The following ITGB1 variants were observed in gnomAD, a reference collection of about 807,000 sequenced individuals.
ITGB1 encodes integrin subunit beta 1.
A neutral mutation model predicts 86.5 loss-of-function variants in ITGB1; 24 were observed. That is an observed-to-expected ratio of 0.28 (90% CI 0.20 to 0.39). The LOEUF (loss-of-function observed/expected upper bound fraction) is 0.39. ITGB1 is among the 10% of genes least tolerant of loss of function. ITGB1 has a pLI of 1.00. For missense variants in ITGB1, 556 were observed against 946.9 expected (o/e 0.59, Z 5.42); for synonymous variants, 323 against 316.8 (o/e 1.02, Z -0.21).
At chr10:32,923,877 A>G in intron 6 of ITGB1, 137 bp from the exon 7 acceptor site, 3 of 705,762 alleles carry the variant, frequency 4.3e-6, no homozygotes, top group Non-Finnish European at 2.3e-6. Flanking sequence ...TACAATGGTA[A>G]TTATCTTGCT....
At chr10:32,935,241 T>C (rs1310062441) in intron 2 of ITGB1, among the ~76,000 whole-genome samples, 7 of 152,214 alleles carry the variant, frequency 4.6e-5, no homozygotes, top group Non-Finnish European at 1.5e-5. Flanking sequence ...AAAGATCTTC[T>C]TGCAGTGTGT....
intron 15 of ITGB1, among the ~76,000 whole-genome samples, chr10:32,905,675 T>G (rs1469004765): frequency 1.3e-5 from 2 of 152,228 alleles, no homozygotes; most frequent in Non-Finnish European, 2.9e-5. Context: ...CCCTTATGTG[T>G]CTCAGTTTTC....
chr10:32,921,990 G>A (rs1050646690), intron 9 of ITGB1, among the ~76,000 whole-genome samples: 1 of 152,052 alleles, frequency 6.6e-6, no homozygotes, highest in African/African-American at 2.4e-5. Context: ...TTTCTAACAA[G>A]GAGATCTATT....
chr10:32,906,943 C>G, intron 15 of ITGB1: 1 of 489,670 alleles, frequency 2.0e-6, no homozygotes, highest in Non-Finnish European at 3.9e-6. Flanking sequence ...AGAAAAGCCA[C>G]AATAGCGATA....
intron 2 of ITGB1, chr10:32,932,807 T>TG: frequency 2.3e-6 from 1 of 431,730 alleles, no homozygotes; most frequent in Non-Finnish European, 4.2e-6. Context: ...TATACATGTA[T>TG]GGGGTACATG....
Position 32,944,974 on chromosome 10 carries a change from A to G in ITGB1, c.1-9416T>C. 6 of 1,008,228 alleles carry G rather than the reference A, an allele frequency of 6.0e-6. No individual in the cohort carries two copies. In the South Asian group the frequency reaches 7.8e-5, roughly 13 times the overall value. The allele number at this position is 1,008,228 out of a possible 1,614,324, so 62.5% of individuals were successfully genotyped here. Reference sequence around the variant, plus strand: ...CTTTTCTACAAACTAAAGTTCCACAAAGAAGCCAGAAAGCTGCCATTACTC... The same window carrying G: ...CTTTTCTACAAACTAAAGTTCCACAGAGAAGCCAGAAAGCTGCCATTACTC... On this transcript the variant is annotated intron_variant, in intron 1 of 15. Coordinates refer to ENST00000302278, the MANE Select transcript of ITGB1 (RefSeq NM_002211.4).
intron 1 of ITGB1, among the ~76,000 whole-genome samples, chr10:32,954,978 TGAAA>T (rs995044816): frequency 2.0e-5 from 3 of 152,332 alleles, no homozygotes; most frequent in Non-Finnish European, 4.4e-5. Context: ...ACACAGCTCC[TGAAA>T]GAGAGAAACT....
chr10:32,904,833 T>C (rs1382783422), intron 15 of ITGB1, among the ~76,000 whole-genome samples: 2 of 152,200 alleles, frequency 1.3e-5, no homozygotes, highest in South Asian at 2.1e-4. Context: ...AAAATGCTTA[T>C]TTTAGCAACA....
In ITGB1 at chr10:32,916,446, G is replaced by A. The variant is rs375492702; in HGVS notation, c.1469+3439C>T. 6.0e-4 allele frequency among the ~76,000 whole-genome samples: 92 copies of A among 152,240 alleles called. No homozygotes were observed. The East Asian group carries it at 0.013, about 21-fold the overall frequency. Reference sequence around the variant, plus strand: ...GATTGTATATTTAGAAAACCCCATCGTCTCAGCCCAAAATCTCCTTAAGCT... The same window carrying A: ...GATTGTATATTTAGAAAACCCCATCATCTCAGCCCAAAATCTCCTTAAGCT... On this transcript the variant is annotated intron_variant, in intron 11 of 15. Transcript: ENST00000302278.
At chr10:32,932,643 CAGAG>C (rs886337615) in intron 2 of ITGB1, 43 bp from the exon 3 acceptor site, 24 of 1,100,996 alleles carry the variant, frequency 2.2e-5, no homozygotes, top group Non-Finnish European at 3.2e-5. Flanking sequence ...TGTGAAGTGT[CAGAG>C]AGAAAATAAT....
chr10:32,949,320 G>A (rs1024410342), intron 1 of ITGB1, among the ~76,000 whole-genome samples: 2 of 152,172 alleles, frequency 1.3e-5, no homozygotes, highest in African/African-American at 4.8e-5. Flanking sequence ...GTATCCAGAA[G>A]CTATGACCTG....
intron 9 of ITGB1, among the ~76,000 whole-genome samples, chr10:32,921,965 A>G (rs1450897765): frequency 6.6e-6 from 1 of 152,162 alleles, no homozygotes; most frequent in Non-Finnish European, 1.5e-5. Flanking sequence ...AATGTAAGTT[A>G]TGTTTTACAA....
chr10:32,905,365 T>C (rs1181694502), intron 15 of ITGB1, among the ~76,000 whole-genome samples: 1 of 152,208 alleles, frequency 6.6e-6, no homozygotes, highest in Admixed American at 6.5e-5. Flanking sequence ...ACACTCTCAA[T>C]AGTCAAAAAA....
At chr10:32,914,200 C>T (rs547023634) in intron 11 of ITGB1, among the ~76,000 whole-genome samples, 22 of 152,340 alleles carry the variant, frequency 1.4e-4, no homozygotes, top group African/African-American at 5.0e-4. Context: ...GTACCAGCCA[C>T]TGCAAAAACA....
chr10:32,955,975 T>TTTGC (rs2095051418), intron 1 of ITGB1, among the ~76,000 whole-genome samples: 1 of 152,208 alleles, frequency 6.6e-6, no homozygotes, highest in Admixed American at 6.5e-5. Flanking sequence ...AAACAATCTA[T>TTTGC]TTGCTTCCTG....
At chr10:32,909,422 G>A (rs1234796629) in intron 14 of ITGB1, among the ~76,000 whole-genome samples, 1 of 152,068 alleles carries the variant, frequency 6.6e-6, no homozygotes, top group East Asian at 1.9e-4. Flanking sequence ...ATAATCTTGG[G>A]TTAGGCAGAG....
intron 2 of ITGB1, chr10:32,933,491 A>C (rs1054297092): frequency 2.0e-5 from 3 of 152,202 alleles, no homozygotes; most frequent in Non-Finnish European, 4.4e-5. Context: ...CCTAAGGAAG[A>C]GTATGCCTTC....
chr10:32,924,409 T>C (rs1035155609), intron 6 of ITGB1, among the ~76,000 whole-genome samples: 7 of 152,264 alleles, frequency 4.6e-5, no homozygotes, highest in African/African-American at 1.4e-4. Context: ...CATAGGACTA[T>C]AGGAATTTAC....
chr10:32,903,351 CAAAAAAAA>C (rs35559257), intron 15 of ITGB1, among the ~76,000 whole-genome samples: 15 of 57,042 alleles, frequency 2.6e-4, no homozygotes, highest in Admixed American at 2.5e-4. Context: ...GACTCCATCT[CAAAAAAAA>C]AAAAAAAAAA....
Sources: allele counts gnomAD v4.1 joint callset (sites outside exome capture counted in the v4.1 genomes callset), GRCh38; gene constraint gnomAD v4.1.1; transcripts MANE v1.5; gene names NCBI Gene and HGNC (gene_info 2026-07-23, HGNC 2026-07-21).